Variants in ATP8B4 observed in about 807,000 individuals in gnomAD.
ATP8B4 encodes probable phospholipid-transporting ATPase IM.
Under a neutral mutation model 145.6 loss-of-function variants are expected in ATP8B4, and 133 were observed. That is an observed-to-expected ratio of 0.91 (90% CI 0.79 to 1.05). ATP8B4 has a LOEUF of 1.05. Among genes scored for constraint, ATP8B4 ranks in the 50% least tolerant of loss-of-function variants. The pLI is 0.00. For synonymous variants in ATP8B4, 507 were observed against 492.9 expected, an observed-to-expected ratio of 1.03 and a Z score of -0.38; for missense variants, 1,458 against 1,425.2, an observed-to-expected ratio of 1.02 and a Z score of -0.37.
intron 1 of ATP8B4, among the ~76,000 whole-genome samples, chr15:50,128,228 T>C (rs1023137370): frequency 1.3e-5 from 2 of 152,220 alleles, no homozygotes; most frequent in African/African-American, 4.8e-5. Context: ...TGGGTTTTCC[T>C]AGCTTCAGAG....
intron 10 of ATP8B4, chr15:49,982,565 A>T (rs1365402086): frequency 6.6e-6 from 1 of 152,152 alleles, no homozygotes; most frequent in African/African-American, 2.4e-5. Flanking sequence ...GTAGGCTTAA[A>T]AAAAACACAC....
chr15:49,933,087 G>A (rs1355601859), intron 15 of ATP8B4, among the ~76,000 whole-genome samples: 1 of 151,574 alleles, frequency 6.6e-6, no homozygotes, highest in Non-Finnish European at 1.5e-5. Context: ...GAACCAACTG[G>A]ACCCAAAAAA....
chr15:49,907,978 T>A (rs374337095), intron 20 of ATP8B4: 34 of 453,938 alleles, frequency 7.5e-5, no homozygotes, highest in East Asian at 7.0e-4. Context: ...GTGCACAGCC[T>A]CTGGGACCAA....
chr15:49,879,566 T>C, intron 23 of ATP8B4, 107 bp from the exon 24 acceptor site: 2 of 912,646 alleles, frequency 2.2e-6, no homozygotes, highest in South Asian at 1.8e-5. Context: ...GAGTTGACTT[T>C]TGGAATCAGA....
At chr15:50,110,659 C>T (rs993983124) in intron 1 of ATP8B4, among the ~76,000 whole-genome samples, 14 of 152,158 alleles carry the variant, frequency 9.2e-5, no homozygotes, top group Admixed American at 3.3e-4. Context: ...TAAAAACTGC[C>T]TCAAAGTAGA....
At chr15:49,948,114 A>T (rs2042734977) in intron 14 of ATP8B4, among the ~76,000 whole-genome samples, 1 of 152,104 alleles carries the variant, frequency 6.6e-6, no homozygotes, top group South Asian at 2.1e-4. Flanking sequence ...GAAAGCAAAA[A>T]CAAATAAGTG....
chr15:50,118,332 C>T (rs570661408), intron 1 of ATP8B4, among the ~76,000 whole-genome samples: 72 of 152,040 alleles, frequency 4.7e-4, no homozygotes, highest in African/African-American at 1.1e-3. Flanking sequence ...GCAGTTATTA[C>T]ATATCACATA....
At chr15:50,067,831 T>C (rs1238325504) in intron 3 of ATP8B4, among the ~76,000 whole-genome samples, 1 of 152,196 alleles carries the variant, frequency 6.6e-6, no homozygotes, top group Non-Finnish European at 1.5e-5. Flanking sequence ...TTGAGCTTTA[T>C]ATGCTTTTTG....
chr15:49,972,728 GAAT>G lies in ATP8B4; in HGVS notation c.1094_1096del (p.Tyr365del). On this transcript the variant is annotated inframe_deletion, in exon 13 of 28. Coordinates refer to ENST00000284509, the MANE Select transcript of ATP8B4 (RefSeq NM_024837.4). ...AGCCACTGCAGGTATTGCTTTTCGA[GAAT>G]AATACATCTTCCGGTCCCAGTTTAT... 3 of 1,613,868 alleles carry G rather than the reference GAAT, an allele frequency of 1.9e-6. No homozygotes were observed. The highest frequency in any genetic ancestry group is 2.5e-6 in the Non-Finnish European group (3 of 1,179,968).
intron 25 of ATP8B4, among the ~76,000 whole-genome samples, chr15:49,871,950 A>G (rs1335702541): frequency 6.6e-6 from 1 of 152,174 alleles, no homozygotes; most frequent in Non-Finnish European, 1.5e-5. Context: ...GGCTGGGAGT[A>G]TATGGATAAG....
Position 50,056,716 on chromosome 15 carries a change from TACAC to T in ATP8B4, c.88-9256_88-9253del, listed in dbSNP as rs72305360. ...ATGTATATGTGTATATATATATATA[TACAC>T]ACACACACACACACACACCTATAGC... On this transcript the variant is annotated intron_variant, in intron 3 of 27. Coordinates refer to ENST00000284509, the MANE Select transcript of ATP8B4 (RefSeq NM_024837.4). Among the ~76,000 whole-genome samples the T allele has an allele frequency of 3.3e-3, 484 of 145,950 alleles. 4 individuals carry two copies. Among genetic ancestry groups the T allele is most frequent in the African/African-American group, 9.6e-3 (373 of 38,984 alleles).
intron 20 of ATP8B4, 38 bp from the exon 21 acceptor site, chr15:49,901,277 A>T: frequency 1.3e-6 from 2 of 1,594,786 alleles, no homozygotes; most frequent in Non-Finnish European, 1.7e-6. Context: ...ATAACAAAGC[A>T]TACAGAGCAT....
chr15:50,109,720 AAGTACC>A (rs1419818485), intron 1 of ATP8B4, among the ~76,000 whole-genome samples: 5 of 151,940 alleles, frequency 3.3e-5, no homozygotes, highest in African/African-American at 1.2e-4. Context: ...AAGCTAATCA[AAGTACC>A]AGGCACTTGG....
chr15:49,967,171 T>C (rs1272520286), intron 13 of ATP8B4, among the ~76,000 whole-genome samples: 1 of 152,066 alleles, frequency 6.6e-6, no homozygotes, highest in Non-Finnish European at 1.5e-5. Context: ...GAAAAACCAG[T>C]GCAAAAAAGC....
intron 2 of ATP8B4, among the ~76,000 whole-genome samples, chr15:50,087,173 T>G (rs1172517540): frequency 3.9e-5 from 5 of 128,556 alleles, no homozygotes; most frequent in African/African-American, 1.5e-4. Context: ...CTCTATTATA[T>G]ATAATAAATA....
chr15:49,878,715 G>A (rs2034896349), intron 24 of ATP8B4, among the ~76,000 whole-genome samples: 2 of 152,196 alleles, frequency 1.3e-5, no homozygotes, highest in South Asian at 2.1e-4. Context: ...CCCCACTCAA[G>A]CACATTGATG....
At position 49,972,779 on chromosome 15, in the gene ATP8B4, A is replaced by C; in HGVS notation, c.1046T>G (p.Ile349Ser). 6.2e-7 allele frequency: 1 copy of C among 1,613,580 alleles called. No homozygotes were observed. Among genetic ancestry groups the C allele is most frequent in the South Asian group, 1.1e-5 (1 of 91,018 alleles). ...PISLYVSVEV[I>S]RLGHSYFINW... ...TATAAAATAACTGTGTCCTAGACGA[A>C]TTACTTCCACACTATCATCCATTAA... Residue 349 changes from isoleucine (I) to serine (S), a missense_variant, in exon 13 of 28, where the codon ATT becomes AGT. Physicochemically the swap from Ile to Ser is moderately radical, Grantham distance 142. Transcript: ENST00000284509.
At chr15:50,073,135 TGCA>T (rs2053962947) in intron 3 of ATP8B4, among the ~76,000 whole-genome samples, 1 of 150,764 alleles carries the variant, frequency 6.6e-6, no homozygotes, top group Non-Finnish European at 1.5e-5. Context: ...GTGCAGAATG[TGCA>T]GGTTTGTTAC....
intron 16 of ATP8B4, among the ~76,000 whole-genome samples, chr15:49,927,169 GA>G (rs151198124): frequency 0.064 from 9,638 of 150,566 alleles, 494 homozygotes; most frequent in Non-Finnish European, 0.087. Flanking sequence ...GTTCCCTCTG[GA>G]AAAAAATCCT....
Sources: allele counts gnomAD v4.1 joint callset (sites outside exome capture counted in the v4.1 genomes callset), GRCh38; gene constraint gnomAD v4.1.1; transcripts MANE v1.5; gene names NCBI Gene and HGNC (gene_info 2026-07-23, HGNC 2026-07-21).